The following SPOCK1 variants were observed in gnomAD, a reference collection of about 807,000 sequenced individuals.
SPOCK1 encodes testican-1.
A neutral mutation model predicts 55.3 loss-of-function variants in SPOCK1; 23 were observed. The ratio of observed to expected loss-of-function variants is 0.42; its 90% CI spans 0.30 to 0.59. SPOCK1 has a LOEUF of 0.59. Ranked by LOEUF, SPOCK1 falls within the 20% of genes least tolerant of loss-of-function variation. The pLI, the probability that SPOCK1 is intolerant of heterozygous loss-of-function variation, is 0.22. For synonymous variants in SPOCK1, 226 were observed against 221.0 expected (o/e 1.02, Z -0.20); for missense variants, 499 against 552.5 (o/e 0.90, Z 0.97).
chr5:137,253,743 C>A (rs1339853937), intron 3 of SPOCK1, among the ~76,000 whole-genome samples: 1 of 152,200 alleles, frequency 6.6e-6, no homozygotes, highest in East Asian at 1.9e-4. Flanking sequence ...AAAGCCATCC[C>A]TTTGCAACTC....
At chr5:137,229,996 C>G (rs1756018697) in intron 3 of SPOCK1, among the ~76,000 whole-genome samples, 1 of 152,166 alleles carries the variant, frequency 6.6e-6, no homozygotes, top group Non-Finnish European at 1.5e-5. Context: ...ACAATGAAGG[C>G]AGCCTTTGGC....
chr5:137,478,539 T>C (rs929690433), intron 2 of SPOCK1, among the ~76,000 whole-genome samples: 1 of 152,204 alleles, frequency 6.6e-6, no homozygotes, highest in Non-Finnish European at 1.5e-5. Context: ...AAATGTTTGT[T>C]TTTAGAAATT....
intron 7 of SPOCK1, 59 bp from the exon 8 acceptor site, chr5:136,988,702 A>C: frequency 6.7e-7 from 1 of 1,495,026 alleles, no homozygotes; most frequent in Non-Finnish European, 9.0e-7. Flanking sequence ...CTCCCTGCTC[A>C]CTCCCCAGCT....
chr5:137,217,610 TTGAAATA>T (rs1446888118), intron 3 of SPOCK1, among the ~76,000 whole-genome samples: 4 of 152,192 alleles, frequency 2.6e-5, no homozygotes, highest in Non-Finnish European at 5.9e-5. Context: ...ACACTGTGGT[TTGAAATA>T]AAAAACTGCT....
chr5:137,414,993 A>G (rs981498264), intron 2 of SPOCK1, among the ~76,000 whole-genome samples: 2 of 152,076 alleles, frequency 1.3e-5, no homozygotes, highest in Admixed American at 1.3e-4. Context: ...ACAAATGAAC[A>G]TTCAATTAGG....
At chr5:137,015,617 G>A (rs1751435501) in intron 6 of SPOCK1, among the ~76,000 whole-genome samples, 1 of 152,206 alleles carries the variant, frequency 6.6e-6, no homozygotes, top group South Asian at 2.1e-4. Flanking sequence ...TTTGGATGTT[G>A]TCACCCTTTG....
chr5:137,192,758 T>A (rs11748977), intron 3 of SPOCK1, among the ~76,000 whole-genome samples: 60,384 of 152,110 alleles, frequency 0.4, 13,162 homozygotes, highest in Non-Finnish European at 0.48. Flanking sequence ...TAGAACTGCA[T>A]GAACCAACAA....
intron 2 of SPOCK1, among the ~76,000 whole-genome samples, chr5:137,380,641 A>G (rs937402892): frequency 2.6e-5 from 4 of 152,158 alleles, no homozygotes; most frequent in African/African-American, 7.2e-5. Context: ...GCAAGGGGGG[A>G]AGTGCCAAAC....
intron 6 of SPOCK1, among the ~76,000 whole-genome samples, chr5:137,062,889 T>G (rs1433384229): frequency 2.0e-5 from 3 of 152,160 alleles, no homozygotes; most frequent in Non-Finnish European, 4.4e-5. Context: ...ATGAGAGAGA[T>G]AAGGCAATGA....
At chr5:136,996,559 T>C (rs1751042659) in intron 6 of SPOCK1, among the ~76,000 whole-genome samples, 1 of 152,124 alleles carries the variant, frequency 6.6e-6, no homozygotes, top group Non-Finnish European at 1.5e-5. Flanking sequence ...TTCATTGCTC[T>C]TGTGCTCCCA....
chr5:137,467,697 C>A (rs1561543523), intron 2 of SPOCK1, among the ~76,000 whole-genome samples: 1 of 152,080 alleles, frequency 6.6e-6, no homozygotes, highest in Non-Finnish European at 1.5e-5. Context: ...AAATAGTTAA[C>A]CAGGTAAAGG....
intron 2 of SPOCK1, among the ~76,000 whole-genome samples, chr5:137,322,254 G>A (rs1307223802): frequency 6.6e-6 from 1 of 151,458 alleles, no homozygotes; most frequent in Non-Finnish European, 1.5e-5. Flanking sequence ...AATAACCTGA[G>A]CCCAAGAAGT....
In SPOCK1 at chr5:137,211,580, C is replaced by T. The variant is rs116879689; in HGVS notation, c.232+55430G>A. 1.0e-3 allele frequency among the ~76,000 whole-genome samples: 156 copies of T among 152,246 alleles called. No individual in the cohort carries two copies. In the East Asian group the frequency reaches 0.014, roughly 13 times the overall value. On this transcript the variant is annotated intron_variant, in intron 3 of 10. Transcript: ENST00000394945. ...TCTGGAGTGATGAGTGTCTTTTGTA[C>T]GCTAATGAGTTGACTGGCAGTTGGG...
At chr5:137,359,247 C>T (rs1212200710) in intron 2 of SPOCK1, among the ~76,000 whole-genome samples, 1 of 152,172 alleles carries the variant, frequency 6.6e-6, no homozygotes, top group Non-Finnish European at 1.5e-5. Flanking sequence ...TAGAAATTTG[C>T]ATGATACTCT....
At chr5:137,060,899 CA>C (rs1169265639) in intron 6 of SPOCK1, among the ~76,000 whole-genome samples, 2 of 152,222 alleles carry the variant, frequency 1.3e-5, no homozygotes, top group Non-Finnish European at 2.9e-5. Context: ...AGATCAAAGT[CA>C]AAGTCAGCAG....
chr5:137,492,930 C>T (rs1178858381), intron 2 of SPOCK1, among the ~76,000 whole-genome samples: 2 of 152,244 alleles, frequency 1.3e-5, no homozygotes, highest in South Asian at 4.1e-4. Context: ...ACTCTTCACA[C>T]TGGGCACTGT....
chr5:137,488,916 T>C (rs1346940252), intron 2 of SPOCK1, among the ~76,000 whole-genome samples: 1 of 152,254 alleles, frequency 6.6e-6, no homozygotes, highest in Non-Finnish European at 1.5e-5. Context: ...CCGCCCTTCC[T>C]CCCTTTCCCC....
chr5:137,240,483 G>A (rs1756260728), intron 3 of SPOCK1, among the ~76,000 whole-genome samples: 1 of 152,138 alleles, frequency 6.6e-6, no homozygotes, highest in South Asian at 2.1e-4. Context: ...AAGGGGATGG[G>A]CTAAGCCATT....
intron 2 of SPOCK1, among the ~76,000 whole-genome samples, chr5:137,304,970 C>T (rs1220822878): frequency 1.3e-5 from 2 of 152,118 alleles, no homozygotes; most frequent in South Asian, 2.1e-4. Context: ...CTCTCAGTTT[C>T]GGAGGCTGGA....
Sources: allele counts gnomAD v4.1 joint callset (sites outside exome capture counted in the v4.1 genomes callset), GRCh38; gene constraint gnomAD v4.1.1; transcripts MANE v1.5; gene names NCBI Gene and HGNC (gene_info 2026-07-23, HGNC 2026-07-21).